EFNA5: variants seen among roughly 807,000 people sequenced by gnomAD.
EFNA5 encodes ephrin-A5.
In EFNA5, 5 loss-of-function variants were observed where a neutral mutation model predicts 22.9. That is an observed-to-expected ratio of 0.22 (90% CI 0.11 to 0.46). EFNA5 has a LOEUF of 0.46. Ranked by LOEUF, EFNA5 falls within the 20% of genes least tolerant of loss-of-function variation. The pLI is 0.99. For missense variants in EFNA5, 237 were observed against 293.3 expected, an observed-to-expected ratio of 0.81 and a Z score of 1.40; for synonymous variants, 113 against 112.2, an observed-to-expected ratio of 1.01 and a Z score of -0.04.
chr5:107,569,568 TATATATATATATATATA>T lies in EFNA5; in HGVS notation c.125+100904_125+100920del, dbSNP rs1748746325. On this transcript the variant is annotated intron_variant, in intron 1 of 4. Coordinates refer to ENST00000333274, the MANE Select transcript of EFNA5 (RefSeq NM_001962.3). Reference sequence around the variant, plus strand: ...GTGTGTATATATATATTTATATATATATATATATATATATATATATATATATATTCCCAGCTCTTTGG... The same window carrying T: ...GTGTGTATATATATATTTATATATATTATATATATATTCCCAGCTCTTTGG... Among the ~76,000 whole-genome samples the T allele has an allele frequency of 1.4e-4, 3 of 21,642 alleles. No individual in the cohort carries two copies. In the South Asian group the frequency reaches 8.7e-3, roughly 63 times the overall value. The allele number at this position is 21,642 out of a possible 152,430, so 14.2% of individuals were successfully genotyped here.
intron 1 of EFNA5, among the ~76,000 whole-genome samples, chr5:107,656,759 CATTT>C (rs1417784039): frequency 6.6e-6 from 1 of 151,964 alleles, no homozygotes; most frequent in African/African-American, 2.4e-5. Context: ...TTATTATACC[CATTT>C]ATTTATTAGG....
intron 1 of EFNA5, among the ~76,000 whole-genome samples, chr5:107,450,279 C>T (rs890753524): frequency 6.6e-6 from 1 of 152,052 alleles, no homozygotes; most frequent in African/African-American, 2.4e-5. Context: ...ATTCCAAAGG[C>T]AAAGTTTTTT....
chr5:107,670,638 C>T lies in EFNA5; in HGVS notation c.-25G>A. 6.3e-7 allele frequency: 1 copy of T among 1,596,204 alleles called. No individual in the cohort carries two copies. Among genetic ancestry groups the T allele is most frequent in the South Asian group, 1.1e-5 (1 of 87,518 alleles). ...TCACGCCTGGCCAGCGGCGGAGCCC[C>T]CGACGCGCCACTCCGGGGAGAGAGC... On this transcript the variant is annotated 5_prime_UTR_variant, in exon 1 of 5. Coordinates refer to ENST00000333274, the MANE Select transcript of EFNA5 (RefSeq NM_001962.3).
Position 107,592,037 on chromosome 5 carries a change from A to T in EFNA5, c.125+78452T>A, listed in dbSNP as rs1176564990. ...TATAATATAATATATATTATATATT[A>T]TATATATTATACATTAAACATATAT... On this transcript the variant is annotated intron_variant, in intron 1 of 4. Transcript: ENST00000333274. 4.4e-5 allele frequency among the ~76,000 whole-genome samples: 4 copies of T among 90,456 alleles called. 1 individual carries two copies. Among genetic ancestry groups the T allele is most frequent in the South Asian group, 2.6e-4 (1 of 3,812 alleles). 59.3% of individuals were successfully genotyped at this position (90,456 alleles called of 152,430 possible). A position where few individuals can be genotyped will look rare whatever the true frequency, so the allele number is the denominator to read the frequency against.
At chr5:107,552,719 A>G (rs1207786811) in intron 1 of EFNA5, among the ~76,000 whole-genome samples, 1 of 152,236 alleles carries the variant, frequency 6.6e-6, no homozygotes, top group Non-Finnish European at 1.5e-5. Context: ...CATTTTACAA[A>G]GCCAAGGGAA....
chr5:107,554,413 G>C (rs999594245), intron 1 of EFNA5, among the ~76,000 whole-genome samples: 1 of 152,040 alleles, frequency 6.6e-6, no homozygotes, highest in African/African-American at 2.4e-5. Flanking sequence ...AATAAAAGAA[G>C]TATTACTGCT....
chr5:107,445,931 C>T (rs891601293), intron 1 of EFNA5, among the ~76,000 whole-genome samples: 3 of 152,166 alleles, frequency 2.0e-5, no homozygotes, highest in Admixed American at 2.0e-4. Context: ...ACTTTATAGA[C>T]ATCCATCTGA....
At chr5:107,412,564 A>C (rs1239953608) in intron 2 of EFNA5, among the ~76,000 whole-genome samples, 1 of 152,158 alleles carries the variant, frequency 6.6e-6, no homozygotes, top group Non-Finnish European at 1.5e-5. Context: ...GAAAAAGAAC[A>C]TTTCTCCACG....
intron 1 of EFNA5, among the ~76,000 whole-genome samples, chr5:107,584,156 A>G (rs1263923012): frequency 6.6e-6 from 1 of 152,180 alleles, no homozygotes; most frequent in Non-Finnish European, 1.5e-5. Flanking sequence ...TCCCCACAGG[A>G]CCAATCAGAA....
At chr5:107,509,371 T>A (rs560008497) in intron 1 of EFNA5, among the ~76,000 whole-genome samples, 1 of 151,772 alleles carries the variant, frequency 6.6e-6, no homozygotes, top group Non-Finnish European at 1.5e-5. Context: ...CAGGCTGCAG[T>A]GCAATGGTGC....
intron 2 of EFNA5, among the ~76,000 whole-genome samples, chr5:107,423,639 T>G (rs1378195564): frequency 6.6e-6 from 1 of 152,226 alleles, no homozygotes; most frequent in Non-Finnish European, 1.5e-5. Flanking sequence ...GTTCTGCAAA[T>G]CTATCATTGA....
intron 1 of EFNA5, among the ~76,000 whole-genome samples, chr5:107,428,417 A>T (rs1272297235): frequency 6.6e-6 from 1 of 152,142 alleles, no homozygotes; most frequent in Non-Finnish European, 1.5e-5. Flanking sequence ...GAATACACAC[A>T]CCTCCCACCA....
At chr5:107,417,578 T>C (rs976666246) in intron 2 of EFNA5, among the ~76,000 whole-genome samples, 11 of 152,292 alleles carry the variant, frequency 7.2e-5, no homozygotes, top group Middle Eastern at 3.4e-3. Context: ...GTTCTCTGCA[T>C]TAATAATAAA....
At chr5:107,485,597 T>G (rs1746595157) in intron 1 of EFNA5, among the ~76,000 whole-genome samples, 1 of 152,232 alleles carries the variant, frequency 6.6e-6, no homozygotes, top group African/African-American at 2.4e-5. Context: ...CCATACCTAC[T>G]TCCTATGGAT....
rs149745718 is a variant in EFNA5 at position 107,594,212 on chromosome 5, C to T, written c.125+76277G>A. On this transcript the variant is annotated intron_variant, in intron 1 of 4. Coordinates refer to ENST00000333274, the MANE Select transcript of EFNA5 (RefSeq NM_001962.3). ...AATTGTGAGGCTCTTTTATCAAAGA[C>T]CAGTTAGGAAGGTAAGATGGATTGT... Among the ~76,000 whole-genome samples the T allele has an allele frequency of 1.7e-3, 252 of 152,196 alleles. 1 individual carries two copies. Among genetic ancestry groups the T allele is most frequent in the African/African-American group, 5.8e-3 (242 of 41,530 alleles).
intron 1 of EFNA5, among the ~76,000 whole-genome samples, chr5:107,460,520 C>T (rs1265277368): frequency 1.3e-5 from 2 of 152,128 alleles, no homozygotes; most frequent in South Asian, 2.1e-4. Context: ...GCTGATTTAT[C>T]GAAAACTTGA....
intron 1 of EFNA5, among the ~76,000 whole-genome samples, chr5:107,517,601 A>G (rs942404472): frequency 2.0e-5 from 3 of 152,180 alleles, no homozygotes; most frequent in African/African-American, 7.2e-5. Context: ...GGTTTTCTGT[A>G]TATGCCAAGA....
chr5:107,392,552 G>A (rs112127164), intron 2 of EFNA5, among the ~76,000 whole-genome samples: 66 of 152,308 alleles, frequency 4.3e-4, no homozygotes, highest in African/African-American at 1.6e-3. Context: ...TGAGATGACC[G>A]TTGCCTTGGG....
chr5:107,532,032 T>A lies in EFNA5; in HGVS notation c.126-104523A>T, dbSNP rs911208703. On this transcript the variant is annotated intron_variant, in intron 1 of 4. Coordinates refer to ENST00000333274, the MANE Select transcript of EFNA5 (RefSeq NM_001962.3). ...AAGACCTCCTGAAAATGATGGCAAA[T>A]AGATGCCCCTTTCTGAGGAATAAGA... 1.6e-4 allele frequency among the ~76,000 whole-genome samples: 24 copies of A among 152,174 alleles called. 1 individual carries two copies. The highest frequency in any genetic ancestry group is 5.8e-4 in the African/African-American group (24 of 41,450).
Sources: allele counts gnomAD v4.1 joint callset (sites outside exome capture counted in the v4.1 genomes callset), GRCh38; gene constraint gnomAD v4.1.1; transcripts MANE v1.5; gene names NCBI Gene and HGNC (gene_info 2026-07-23, HGNC 2026-07-21).